Variants in RAPGEF1 observed in about 807,000 individuals in gnomAD.
RAPGEF1 encodes the protein CRK SH3-binding GNRP.
In RAPGEF1, 33 loss-of-function variants were observed where a neutral mutation model predicts 143.3. That is an observed-to-expected ratio of 0.23 (90% confidence interval 0.17 to 0.31). RAPGEF1 has a LOEUF of 0.31. Ranked by LOEUF, RAPGEF1 falls within the 10% of genes least tolerant of loss-of-function variation. The pLI, the probability that RAPGEF1 is intolerant of heterozygous loss-of-function variation, is 1.00. For missense variants in RAPGEF1, 1,199 were observed against 1,645.4 expected (o/e 0.73, Z 4.69); for synonymous variants, 629 against 676.5 (o/e 0.93, Z 1.09).
Position 131,598,301 on chromosome 9 carries a change from C to T in RAPGEF1, c.2511G>A (p.Lys837=), listed in dbSNP as rs765654529. Residue 837 remains lysine (K), a synonymous_variant, in exon 16 of 27, where the codon AAG becomes AAA. Transcript: ENST00000683357. ...GAGCCGACTCCAGAGCATCTGGTGA[C>T]TTTGGGGCCCTGCGGGGAGAAGTGG... ...DSRDGSERAP[K]SPDALESAQS... 3 of 1,613,726 alleles carry T rather than the reference C, an allele frequency of 1.9e-6. No homozygotes were observed. The highest frequency in any genetic ancestry group is 3.3e-5 in the Admixed American group (2 of 59,982).
intron 1 of RAPGEF1, among the ~76,000 whole-genome samples, chr9:131,686,797 T>G (rs915782450): frequency 1.3e-5 from 2 of 152,232 alleles, no homozygotes; most frequent in East Asian, 1.9e-4. Context: ...ACAGTCCTCA[T>G]TAACATCTGC....
rs553621415 is a variant in RAPGEF1 at position 131,729,926 on chromosome 9, G to A, written c.61+9844C>T. Reference sequence around the variant, plus strand: ...AAGAAACAAATTGGCTGGGCGCAGTGGCTCACGCCTGTAATCCCAGCACTT... The same window carrying A: ...AAGAAACAAATTGGCTGGGCGCAGTAGCTCACGCCTGTAATCCCAGCACTT... On this transcript the variant is annotated intron_variant, in intron 1 of 26. Transcript: ENST00000683357. Among the ~76,000 whole-genome samples, 3 of 152,294 alleles carry A rather than the reference G, an allele frequency of 2.0e-5. No individual in the cohort carries two copies. In the East Asian group the frequency reaches 5.8e-4, roughly 29 times the overall value.
chr9:131,643,345 T>C lies in RAPGEF1; in HGVS notation c.388A>G (p.Lys130Glu). 6.2e-7 allele frequency: 1 copy of C among 1,613,880 alleles called. No homozygotes were observed. The highest frequency in any genetic ancestry group is 8.5e-7 in the Non-Finnish European group (1 of 1,179,852). ...ALRYFKTIVDKMAIDKKVLEM... is the reference protein window; with the variant it reads ...ALRYFKTIVDEMAIDKKVLEM... ...AGTACCTTCTTATCAATTGCCATTT[T>C]GTCCACAATGGTCTTAAAGTAGCGC... The change falls in exon 4 of 27, where the codon AAA (lysine) becomes GAA (glutamate). Residue 130 changes from lysine (K) to glutamate (E), a missense_variant. This residue lies in a region of RAPGEF1 where 613 missense variants were observed against 710.9 expected (regional missense o/e 0.86). Coordinates refer to ENST00000683357, the MANE Select transcript of RAPGEF1 (RefSeq NM_001377935.1).
chr9:131,642,997 C>T (rs1251339706), intron 4 of RAPGEF1, among the ~76,000 whole-genome samples: 1 of 152,194 alleles, frequency 6.6e-6, no homozygotes, highest in East Asian at 1.9e-4. Context: ...CACAAACTTA[C>T]ACTGTGGCCA....
chr9:131,677,598 TGCAAAA>T (rs1445523896), intron 1 of RAPGEF1, among the ~76,000 whole-genome samples: 1 of 152,132 alleles, frequency 6.6e-6, no homozygotes, highest in African/African-American at 2.4e-5. Context: ...ACACAGGAAA[TGCAAAA>T]GCAAAAACAA....
intron 1 of RAPGEF1, among the ~76,000 whole-genome samples, chr9:131,690,001 G>A (rs750934565): frequency 5.9e-5 from 9 of 151,942 alleles, no homozygotes; most frequent in Admixed American, 1.3e-4. Context: ...AAATACATGC[G>A]GGCCTTGTGA....
intron 1 of RAPGEF1, among the ~76,000 whole-genome samples, chr9:131,736,680 C>T (rs1184433773): frequency 6.6e-6 from 1 of 152,148 alleles, no homozygotes. Flanking sequence ...GCACACTATG[C>T]GGGATGTGAA....
intron 10 of RAPGEF1, 77 bp downstream of exon 10, chr9:131,625,845 T>G: frequency 6.7e-7 from 1 of 1,483,806 alleles, no homozygotes; most frequent in Non-Finnish European, 9.1e-7. Flanking sequence ...TTGATTCTGG[T>G]CTAATGCTGA....
chr9:131,626,112 G>A lies in RAPGEF1; in HGVS notation c.1512C>T (p.Asn504=), dbSNP rs1479534413. 2.5e-6 allele frequency: 4 copies of A among 1,614,018 alleles called. No individual in the cohort carries two copies. In the Admixed American group the frequency reaches 6.7e-5, roughly 27 times the overall value. Residue 504 remains asparagine (N), a synonymous_variant, in exon 10 of 27, where the codon AAC becomes AAT. Coordinates refer to ENST00000683357, the MANE Select transcript of RAPGEF1 (RefSeq NM_001377935.1). ...SYERHPSQYD[N]ISGEDLQSTA... ...TGCTCTGCAGGTCCTCCCCAGAGAT[G>A]TTGTCATACTGCGAGGGATGCCGCT...
chr9:131,595,042 C>T (rs886108407), intron 17 of RAPGEF1, among the ~76,000 whole-genome samples: 9 of 152,274 alleles, frequency 5.9e-5, no homozygotes, highest in East Asian at 5.8e-4. Context: ...CTGCTGATCA[C>T]GCCCCCAGCA....
At position 131,621,775 on chromosome 9, in the gene RAPGEF1, A is replaced by C; in HGVS notation, c.1905+21T>G. 2 of 1,587,364 alleles carry C rather than the reference A, an allele frequency of 1.3e-6. No individual in the cohort carries two copies. The highest frequency in any genetic ancestry group is 1.7e-6 in the Non-Finnish European group (2 of 1,167,720). ...CCTGCTAGGATCGGAAGTTCTAGTC[A>C]CAAGGGAAGGTGTCACTCACCAGCT... On this transcript the variant is annotated intron_variant, in intron 11 of 26. Transcript: ENST00000683357. The surrounding 1 kb of genome is among the most constrained non-coding windows in gnomAD (Gnocchi z 4.5).
intron 1 of RAPGEF1, chr9:131,737,325 C>T: frequency 6.2e-7 from 1 of 1,606,944 alleles, no homozygotes. Context: ...TATATCTCAG[C>T]CCTCTCTTCA....
At chr9:131,582,126 C>A (rs1951954227) in intron 25 of RAPGEF1, among the ~76,000 whole-genome samples, 1 of 152,180 alleles carries the variant, frequency 6.6e-6, no homozygotes, top group Non-Finnish European at 1.5e-5. Flanking sequence ...GGTCCACGCT[C>A]AGGAAGCACT....
chr9:131,739,132 C>G (rs1413212789), intron 1 of RAPGEF1, among the ~76,000 whole-genome samples: 1 of 152,190 alleles, frequency 6.6e-6, no homozygotes, highest in African/African-American at 2.4e-5. Flanking sequence ...GAAGGTAACT[C>G]CCCCAGATTT....
intron 1 of RAPGEF1, among the ~76,000 whole-genome samples, chr9:131,716,253 A>G (rs182796297): frequency 4.6e-5 from 7 of 152,290 alleles, no homozygotes; most frequent in East Asian, 3.9e-4. Context: ...GACCCCCCCA[A>G]TGATACAGTT....
chr9:131,630,170 C>G, intron 6 of RAPGEF1, 66 bp downstream of exon 6: 3 of 1,350,164 alleles, frequency 2.2e-6, no homozygotes, highest in Non-Finnish European at 3.2e-6. Context: ...CGGGCCCTAT[C>G]CTTGTCAAGT....
At chr9:131,693,698 T>G (rs1290993453) in intron 1 of RAPGEF1, among the ~76,000 whole-genome samples, 4 of 152,118 alleles carry the variant, frequency 2.6e-5, no homozygotes, top group Non-Finnish European at 5.9e-5. Context: ...CCAATTCAGG[T>G]CTTTACATTG....
intron 3 of RAPGEF1, among the ~76,000 whole-genome samples, chr9:131,643,907 G>T (rs1433769183): frequency 1.3e-5 from 2 of 152,112 alleles, no homozygotes; most frequent in Non-Finnish European, 2.9e-5. Flanking sequence ...ATTCCCTCAG[G>T]ACTCCTCACT....
chr9:131,607,047 C>G (rs1390995161), intron 12 of RAPGEF1, among the ~76,000 whole-genome samples: 3 of 152,174 alleles, frequency 2.0e-5, no homozygotes, highest in Non-Finnish European at 2.9e-5. Context: ...GCTGCACTGA[C>G]CAGAGTTTCA....
Sources: gnomAD v4.1 joint callset for allele counts (sites outside exome capture counted in the v4.1 genomes callset) on GRCh38, gnomAD v4.1.1 for gene constraint, gnomAD v4.1.1 regional missense constraint, Gnocchi (gnomAD v3.1) non-coding constraint, MANE v1.5 for transcripts, NCBI Gene and HGNC (gene_info 2026-07-23, HGNC 2026-07-21) for gene names.